Variants in CR1 observed in about 807,000 individuals in gnomAD.
CR1 encodes complement C3b/C4b receptor 1 (Knops blood group), also known as complement receptor type 1.
Under a neutral mutation model 187.3 loss-of-function variants are expected in CR1, and 116 were observed. The ratio of observed to expected loss-of-function variants is 0.62; its 90% confidence interval spans 0.53 to 0.72. CR1 has a LOEUF of 0.72. Among genes scored for constraint, CR1 ranks in the 30% least tolerant of loss-of-function variants. CR1 has a pLI of 0.00. For missense variants in CR1, 1,731 were observed against 2,110.7 expected (o/e 0.82, Z 3.52); for synonymous variants, 576 against 747.1 (o/e 0.77, Z 3.73).
intron 1 of CR1, among the ~76,000 whole-genome samples, chr1:207,500,829 T>G (rs1659243835): frequency 6.6e-6 from 1 of 152,170 alleles, no homozygotes; most frequent in Non-Finnish European, 1.5e-5. Context: ...TTCATAGCAG[T>G]TTTGTTTGTA....
rs374276678 is a variant in CR1 at position 207,567,977 on chromosome 1, G to A, written c.4106G>A (p.Arg1369His). 38 of 1,610,276 alleles carry A rather than the reference G, an allele frequency of 2.4e-5. No individual in the cohort carries two copies. Among genetic ancestry groups the A allele is most frequent in the Admixed American group, 8.3e-5 (5 of 59,914 alleles). ...GACCTCATTGGAGAGAGCACCATCCGCTGCACAAGTGACCCTCAAGGGAAT... is the reference window on the plus strand; with the variant it reads ...GACCTCATTGGAGAGAGCACCATCCACTGCACAAGTGACCCTCAAGGGAAT... The part of the protein sequence containing the change: ...SFDLIGESTI[R>H]CTSDPQGNGV... The change falls in exon 25 of 47, where the codon CGC (arginine) becomes CAC (histidine). Residue 1369 changes from arginine (R) to histidine (H), a missense_variant. By Grantham distance (29) the Arg-to-His change is conservative. Around this residue, in one of 5 missense-constraint regions of CR1, gnomAD observed 1,312 missense variants for 1,379.6 expected, o/e 0.95. Coordinates refer to ENST00000367049, the MANE Select transcript of CR1 (RefSeq NM_000651.6).
chr1:207,598,041 A>G (rs2102368418), intron 35 of CR1, among the ~76,000 whole-genome samples: 1 of 152,376 alleles, frequency 6.6e-6, no homozygotes, highest in African/African-American at 2.4e-5. Context: ...TGCCAAAAAT[A>G]AGAAAATTTA....
intron 43 of CR1, among the ~76,000 whole-genome samples, chr1:207,621,399 A>G (rs1029496941): frequency 2.0e-5 from 3 of 152,240 alleles, no homozygotes; most frequent in African/African-American, 4.8e-5. Flanking sequence ...AAAAACTCTT[A>G]TGAAAAACAA....
chr1:207,573,669 C>T lies in CR1; in HGVS notation c.4452-1926C>T, dbSNP rs1255358192. On this transcript the variant is annotated intron_variant, in intron 27 of 46. Coordinates refer to ENST00000367049, the MANE Select transcript of CR1 (RefSeq NM_000651.6). ...TGTACAAATACTTCTGTGAAACTAG[C>T]CATGAAGTGTGTACATGAATGAATA... Among the ~76,000 whole-genome samples the T allele has an allele frequency of 2.6e-5, 4 of 151,968 alleles. No individual in the cohort carries two copies. The South Asian group carries it at 8.3e-4, about 32-fold the overall frequency.
chr1:207,578,733 A>G (rs767649363), intron 29 of CR1, among the ~76,000 whole-genome samples: 1 of 152,264 alleles, frequency 6.6e-6, no homozygotes, highest in Non-Finnish European at 1.5e-5. Context: ...GGCTCTTGCC[A>G]TACTTTCATC....
intron 4 of CR1, among the ~76,000 whole-genome samples, chr1:207,523,358 A>G (rs534751153): frequency 1.3e-5 from 2 of 152,380 alleles, no homozygotes; most frequent in South Asian, 4.1e-4. Flanking sequence ...TCAAAGAGCT[A>G]TTTAAAATGA....
chr1:207,566,183 T>C (rs1224813886), intron 24 of CR1, among the ~76,000 whole-genome samples: 1 of 150,292 alleles, frequency 6.7e-6, no homozygotes, highest in African/African-American at 2.5e-5. Context: ...TCAGGAGAGA[T>C]TAGATAATGT....
At chr1:207,510,975 C>T (rs1659596213) in intron 3 of CR1, among the ~76,000 whole-genome samples, 1 of 152,002 alleles carries the variant, frequency 6.6e-6, no homozygotes, top group African/African-American at 2.4e-5. Flanking sequence ...GAATGTGCCA[C>T]CACGCCTGGC....
chr1:207,602,106 G>A (rs1459823103), intron 35 of CR1, among the ~76,000 whole-genome samples: 1 of 151,946 alleles, frequency 6.6e-6, no homozygotes, highest in African/African-American at 2.4e-5. Context: ...CAAAAAGAGA[G>A]GAATTGGGCT....
At chr1:207,594,230 A>G (rs1661361458) in intron 35 of CR1, among the ~76,000 whole-genome samples, 1 of 152,206 alleles carries the variant, frequency 6.6e-6, no homozygotes, top group African/African-American at 2.4e-5. Flanking sequence ...TAGACTGGAT[A>G]AAGAAAATGT....
intron 27 of CR1, 128 bp from the exon 28 acceptor site, chr1:207,575,467 T>C: frequency 3.6e-6 from 4 of 1,123,548 alleles, no homozygotes; most frequent in Non-Finnish European, 5.3e-6. Flanking sequence ...CTGGAAACAA[T>C]AGGTAAAGTT....
chr1:207,590,290 A>G (rs894587573), intron 35 of CR1, among the ~76,000 whole-genome samples: 19 of 152,200 alleles, frequency 1.2e-4, no homozygotes, highest in Non-Finnish European at 2.4e-4. Flanking sequence ...GCCAGAAGAG[A>G]GTGGGGGCCA....
chr1:207,506,428 G>T (rs1160030546), intron 2 of CR1, among the ~76,000 whole-genome samples: 1 of 152,242 alleles, frequency 6.6e-6, no homozygotes, highest in East Asian at 1.9e-4. Flanking sequence ...CTTGGGCTTT[G>T]AGATCTTTGG....
intron 23 of CR1, 78 bp from the exon 24 acceptor site, chr1:207,565,760 G>C (rs1660473835): frequency 5.7e-6 from 9 of 1,586,792 alleles, no homozygotes; most frequent in Non-Finnish European, 6.0e-6. Context: ...TCCTGAAATT[G>C]GGGCTGGGCC....
intron 41 of CR1, among the ~76,000 whole-genome samples, chr1:207,617,547 A>ATGTGTG (rs1355155911): frequency 2.2e-5 from 2 of 91,744 alleles, no homozygotes; most frequent in African/African-American, 8.5e-5. Context: ...GTATGTGTGT[A>ATGTGTG]TATATATATG....
At chr1:207,572,506 T>C (rs1660609692) in intron 27 of CR1, among the ~76,000 whole-genome samples, 1 of 151,978 alleles carries the variant, frequency 6.6e-6, no homozygotes, top group African/African-American at 2.4e-5. Context: ...TATGACTTTG[T>C]TTAGACATAA....
Position 207,623,044 on chromosome 1 carries a change from G to T in CR1, c.7328G>T (p.Trp2443Leu). 2 of 1,580,402 alleles carry T rather than the reference G, an allele frequency of 1.3e-6. No individual in the cohort carries two copies. Among genetic ancestry groups the T allele is most frequent in the South Asian group, 1.2e-5 (1 of 86,744 alleles). Residue 2443 changes from tryptophan to leucine, a missense_variant, in exon 45 of 47, where the codon TGG becomes TTG. Transcript: ENST00000367049. ...FFILLIIFLS[W>L]IILKHRKGNN... Reference sequence around the variant, plus strand: ...ATTTTACTCATCATTTTCCTCTCTTGGATAATTCTAAAGCACAGAAAAGGG... The same window carrying T: ...ATTTTACTCATCATTTTCCTCTCTTTGATAATTCTAAAGCACAGAAAAGGG...
intron 4 of CR1, among the ~76,000 whole-genome samples, chr1:207,516,468 G>A (rs1659811538): frequency 6.6e-6 from 1 of 152,154 alleles, no homozygotes; most frequent in East Asian, 1.9e-4. Context: ...GATTTACTTG[G>A]TGATTCTTGG....
intron 35 of CR1, among the ~76,000 whole-genome samples, chr1:207,592,497 G>C (rs916759607): frequency 2.0e-5 from 3 of 152,134 alleles, no homozygotes; most frequent in African/African-American, 4.8e-5. Context: ...CATACTGAAT[G>C]GGCAAATGCT....
Sources: gnomAD v4.1 joint callset for allele counts (sites outside exome capture counted in the v4.1 genomes callset) on GRCh38, gnomAD v4.1.1 for gene constraint, gnomAD v4.1.1 regional missense constraint, MANE v1.5 for transcripts, NCBI Gene and HGNC (gene_info 2026-07-23, HGNC 2026-07-21) for gene names.